Variants in SH3RF1 observed in about 807,000 individuals in gnomAD.
SH3RF1 encodes E3 ubiquitin-protein ligase SH3RF1.
Under a neutral mutation model 74.0 loss-of-function variants are expected in SH3RF1, and 32 were observed. That is an observed-to-expected ratio of 0.43 (90% CI 0.33 to 0.58). The LOEUF is 0.58. Ranked by LOEUF, SH3RF1 falls within the 20% of genes least tolerant of loss-of-function variation. The pLI is 0.05. For synonymous variants in SH3RF1, 396 were observed against 439.6 expected, an observed-to-expected ratio of 0.90 and a Z score of 1.24; for missense variants, 954 against 1,130.9, an observed-to-expected ratio of 0.84 and a Z score of 2.24.
At chr4:169,163,095 A>G (rs1223361730) in intron 2 of SH3RF1, among the ~76,000 whole-genome samples, 1 of 104,022 alleles carries the variant, frequency 9.6e-6, no homozygotes, top group Non-Finnish European at 2.4e-5. Flanking sequence ...GGCAAGGTAG[A>G]GGGAGAGAAA....
intron 4 of SH3RF1, among the ~76,000 whole-genome samples, chr4:169,145,846 ATAT>A (rs1338695835): frequency 7.8e-6 from 1 of 127,432 alleles, no homozygotes; most frequent in Non-Finnish European, 1.6e-5. Flanking sequence ...TGTATTCTAT[ATAT>A]TATTCTATAT....
At chr4:169,212,899 A>G (rs1300767350) in intron 2 of SH3RF1, among the ~76,000 whole-genome samples, 1 of 152,176 alleles carries the variant, frequency 6.6e-6, no homozygotes, top group African/African-American at 2.4e-5. Flanking sequence ...TGATCTTTTT[A>G]CTGTCTCATA....
intron 2 of SH3RF1, among the ~76,000 whole-genome samples, chr4:169,235,353 T>C (rs971097622): frequency 6.6e-5 from 10 of 152,220 alleles, no homozygotes; most frequent in African/African-American, 2.4e-4. Flanking sequence ...TAATAAAAAA[T>C]AGCTAATACT....
At chr4:169,232,873 C>T (rs546432161) in intron 2 of SH3RF1, among the ~76,000 whole-genome samples, 2 of 152,260 alleles carry the variant, frequency 1.3e-5, no homozygotes, top group South Asian at 2.1e-4. Flanking sequence ...AAACTCTGAA[C>T]ATATAATCTA....
intron 2 of SH3RF1, among the ~76,000 whole-genome samples, chr4:169,215,553 C>T (rs1239763702): frequency 6.6e-6 from 1 of 152,090 alleles, no homozygotes; most frequent in Non-Finnish European, 1.5e-5. Context: ...TGGTAGAATT[C>T]ATCACATCTG....
chr4:169,255,620 CAT>C (rs1267616645), intron 2 of SH3RF1, among the ~76,000 whole-genome samples: 19 of 127,682 alleles, frequency 1.5e-4, no homozygotes, highest in East Asian at 4.8e-4. Context: ...TACATACACA[CAT>C]ACACACACAC....
intron 2 of SH3RF1, among the ~76,000 whole-genome samples, chr4:169,184,588 C>T (rs927351925): frequency 1.3e-5 from 2 of 152,136 alleles, no homozygotes; most frequent in African/African-American, 4.8e-5. Flanking sequence ...CCTTTAAATT[C>T]AATCCACGGA....
chr4:169,191,051 T>C (rs1342630033), intron 2 of SH3RF1, among the ~76,000 whole-genome samples: 3 of 152,046 alleles, frequency 2.0e-5, no homozygotes, highest in Non-Finnish European at 4.4e-5. Context: ...CTGGGCAAAA[T>C]TGCCTTACAA....
chr4:169,155,694 C>T (rs567224359), intron 3 of SH3RF1, 119 bp from the exon 4 acceptor site: 65 of 734,290 alleles, frequency 8.9e-5, no homozygotes, highest in Non-Finnish European at 1.5e-4. Context: ...AATAAAAATG[C>T]TATGACATAT....
At chr4:169,139,646 G>T (rs1733752284) in intron 4 of SH3RF1, among the ~76,000 whole-genome samples, 1 of 152,158 alleles carries the variant, frequency 6.6e-6, no homozygotes, top group Non-Finnish European at 1.5e-5. Flanking sequence ...TCTGGATATT[G>T]GGTACATGTC....
At chr4:169,175,693 C>A (rs1337954292) in intron 2 of SH3RF1, among the ~76,000 whole-genome samples, 1 of 152,130 alleles carries the variant, frequency 6.6e-6, no homozygotes, top group Non-Finnish European at 1.5e-5. Flanking sequence ...TAGGCACCGA[C>A]CCACCCAAAA....
rs944963535 is a variant in SH3RF1 at position 169,244,771 on chromosome 4, A to G, written c.393+24049T>C. Among the ~76,000 whole-genome samples the G allele has an allele frequency of 2.0e-5, 3 of 152,146 alleles. No homozygotes were observed. In the South Asian group the frequency reaches 6.2e-4, roughly 31 times the overall value. ...ACGCCACAGTGCTGCACTTTTCTAA[A>G]CTTTATTAGTGTTTTTTGCCGTTGT... On this transcript the variant is annotated intron_variant, in intron 2 of 11. Transcript: ENST00000284637.
intron 2 of SH3RF1, among the ~76,000 whole-genome samples, chr4:169,255,863 A>G (rs1731184891): frequency 6.6e-6 from 1 of 151,424 alleles, no homozygotes; most frequent in South Asian, 2.1e-4. Context: ...GACCTCCTGG[A>G]TTCAAGCGTT....
At chr4:169,237,554 T>C (rs1433638072) in intron 2 of SH3RF1, among the ~76,000 whole-genome samples, 2 of 152,188 alleles carry the variant, frequency 1.3e-5, no homozygotes, top group African/African-American at 2.4e-5. Flanking sequence ...GCTGCCTACA[T>C]TGACCACCAG....
chr4:169,096,809 T>C, intron 11 of SH3RF1, 122 bp from the exon 12 acceptor site: 1 of 949,364 alleles, frequency 1.1e-6, no homozygotes. Flanking sequence ...TTTATGATTG[T>C]AAAACAACTC....
intron 4 of SH3RF1, among the ~76,000 whole-genome samples, chr4:169,137,778 C>T (rs1334418002): frequency 6.6e-6 from 1 of 152,194 alleles, no homozygotes; most frequent in Non-Finnish European, 1.5e-5. Flanking sequence ...CAACCGCTTC[C>T]TCACAAAGCC....
intron 2 of SH3RF1, among the ~76,000 whole-genome samples, chr4:169,217,737 G>C (rs541191635): frequency 8.5e-5 from 13 of 152,128 alleles, no homozygotes; most frequent in African/African-American, 3.1e-4. Flanking sequence ...TTTTAGCTGG[G>C]GAAGCTAAAA....
intron 2 of SH3RF1, among the ~76,000 whole-genome samples, chr4:169,265,947 A>G (rs1359884326): frequency 1.3e-5 from 2 of 152,216 alleles, no homozygotes; most frequent in Non-Finnish European, 2.9e-5. Context: ...ATTTATATAT[A>G]TGCATTTTAA....
intron 2 of SH3RF1, among the ~76,000 whole-genome samples, chr4:169,173,634 C>T (rs1286201040): frequency 1.3e-5 from 2 of 152,130 alleles, no homozygotes; most frequent in Admixed American, 6.6e-5. Flanking sequence ...TGGAGGGTTA[C>T]ACATGTTAGC....
Sources: allele counts gnomAD v4.1 joint callset (sites outside exome capture counted in the v4.1 genomes callset), GRCh38; gene constraint gnomAD v4.1.1; transcripts MANE v1.5; gene names NCBI Gene and HGNC (gene_info 2026-07-23, HGNC 2026-07-21).